Variants in FIP1L1 observed in about 807,000 individuals in gnomAD.
FIP1L1 encodes the protein pre-mRNA 3'-end-processing factor FIP1.
FIP1L1 carries 21 observed loss-of-function variants against 84.6 expected under a neutral mutation model. The observed-to-expected ratio is 0.25, with a 90% CI of 0.18 to 0.36. The LOEUF (loss-of-function observed/expected upper bound fraction) is 0.36. Ranked by LOEUF, FIP1L1 falls within the 10% of genes least tolerant of loss-of-function variation. The probability of loss-of-function intolerance (pLI) is 1.00; values close to 1 mark genes in which losing one functional copy is unlikely to be tolerated. For missense variants in FIP1L1, 526 were observed against 751.1 expected, an observed-to-expected ratio of 0.70 and a Z score of 3.50; for synonymous variants, 263 against 242.3, an observed-to-expected ratio of 1.09 and a Z score of -0.80.
Position 53,428,197 on chromosome 4 carries a change from A to G in FIP1L1, c.1174+14A>G. Reference sequence around the variant, plus strand: ...TTCCACCACCGGGTAAATAGTAAATAAGACATTTGACTTTGAAAGAAAAAT... The same window carrying G: ...TTCCACCACCGGGTAAATAGTAAATGAGACATTTGACTTTGAAAGAAAAAT... On this transcript the variant is annotated intron_variant, in intron 13 of 17. Transcript: ENST00000337488. The G allele has an allele frequency of 1.3e-6, 2 of 1,527,520 alleles. No homozygotes were observed. The highest frequency in any genetic ancestry group is 1.8e-6 in the Non-Finnish European group (2 of 1,132,002). 94.6% of individuals were successfully genotyped at this position (1,527,520 alleles called of 1,614,324 possible). A position where few individuals can be genotyped will look rare whatever the true frequency, so the allele number is the denominator to read the frequency against.
Position 53,389,849 on chromosome 4 carries a change from G to T in FIP1L1, c.373G>T (p.Gly125Trp). ...ACCTGTAAATCTTAACATCAAGACA[G>T]GGGGAAGAGTTTATGGAACTACAGG... ...TAPVNLNIKT[G>W]GRVYGTTGTK... is the part of the protein sequence containing the mutation. Residue 125 changes from glycine (G) to tryptophan (W), a missense_variant, in exon 6 of 18, where the codon GGG becomes TGG. Gly to Trp is a radical substitution (Grantham distance 184). This residue lies in a region of FIP1L1 where 169 missense variants were observed against 206.9 expected (regional missense o/e 0.82). Transcript: ENST00000337488. 1 of 1,601,434 alleles carries T rather than the reference G, an allele frequency of 6.2e-7. No homozygotes were observed. The highest frequency in any genetic ancestry group is 1.1e-5 in the South Asian group (1 of 87,746).
rs377694708 is a variant in FIP1L1 at position 53,444,032 on chromosome 4, T to C, written c.1230-16T>C. 8.8e-5 allele frequency: 139 copies of C among 1,586,920 alleles called. 2 individuals carry two copies. The South Asian group carries it at 1.5e-3, about 17-fold the overall frequency. On this transcript the variant is annotated splice_polypyrimidine_tract_variant and intron_variant, in intron 14 of 17. Coordinates refer to ENST00000337488, the MANE Select transcript of FIP1L1 (RefSeq NM_030917.4). ...TATTTGTACCAGACATAAAAATATA[T>C]CTTTTTCTTCAACAGTGGACATTCC...
intron 13 of FIP1L1, chr4:53,441,088 G>T (rs1771690939): frequency 6.5e-6 from 1 of 153,484 alleles, no homozygotes; most frequent in Non-Finnish European, 1.5e-5. Context: ...TGTTCTTAGA[G>T]TGGTGATTGT....
At chr4:53,392,395 A>G (rs1744712374) in intron 9 of FIP1L1, among the ~76,000 whole-genome samples, 1 of 152,188 alleles carries the variant, frequency 6.6e-6, no homozygotes, top group African/African-American at 2.4e-5. Context: ...AGATACAACC[A>G]CTCTACTGTA....
chr4:53,405,371 T>G, intron 10 of FIP1L1, among the ~76,000 whole-genome samples: 1 of 152,180 alleles, frequency 6.6e-6, no homozygotes, highest in Non-Finnish European at 1.5e-5. Flanking sequence ...GGTCTATATC[T>G]CTGTTTTGGT....
intron 11 of FIP1L1, among the ~76,000 whole-genome samples, chr4:53,424,178 A>G (rs1168740783): frequency 7.2e-5 from 11 of 152,272 alleles, no homozygotes; most frequent in Middle Eastern, 3.4e-3. Flanking sequence ...AATTTTGACA[A>G]TGGAGGGCAG....
chr4:53,425,836 A>G (rs781436765), intron 11 of FIP1L1, 36 bp from the exon 12 acceptor site: 1 of 1,412,342 alleles, frequency 7.1e-7, no homozygotes, highest in South Asian at 1.2e-5. Context: ...GCATCTAATT[A>G]GGTGAAACTG....
chr4:53,418,304 A>C (rs1226408539), intron 11 of FIP1L1, among the ~76,000 whole-genome samples: 1 of 147,730 alleles, frequency 6.8e-6, no homozygotes, highest in East Asian at 2.0e-4. Flanking sequence ...TAAATACATA[A>C]ATAACAGTTA....
intron 13 of FIP1L1, 133 bp downstream of exon 13, chr4:53,428,316 C>G: frequency 1.3e-6 from 1 of 760,094 alleles, no homozygotes. Flanking sequence ...TCAACAGATT[C>G]ACACTGAAAC....
chr4:53,456,061 CA>C (rs531659683), intron 16 of FIP1L1, among the ~76,000 whole-genome samples: 2 of 152,138 alleles, frequency 1.3e-5, no homozygotes, highest in South Asian at 4.2e-4. Flanking sequence ...CTTCTAAGTT[CA>C]AGGGCATTAC....
chr4:53,382,873 G>A (rs73250958), intron 4 of FIP1L1, among the ~76,000 whole-genome samples: 4,673 of 152,268 alleles, frequency 0.031, 88 homozygotes, highest in Middle Eastern at 0.054. Flanking sequence ...TTACTATGAT[G>A]TGATTAAGCA....
At chr4:53,426,109 T>TATTA (rs1460500949) in intron 12 of FIP1L1, 144 bp downstream of exon 12, 1 of 478,322 alleles carries the variant, frequency 2.1e-6, no homozygotes, top group Non-Finnish European at 3.7e-6. Flanking sequence ...AGTCATTTAT[T>TATTA]ATAAAGGCAT....
At chr4:53,414,389 T>C (rs777031925) in intron 10 of FIP1L1, among the ~76,000 whole-genome samples, 10 of 152,052 alleles carry the variant, frequency 6.6e-5, no homozygotes, top group Admixed American at 1.3e-4. Flanking sequence ...TCATACTATG[T>C]TGAAGAATAT....
chr4:53,437,837 A>G (rs891940768), intron 13 of FIP1L1, among the ~76,000 whole-genome samples: 1 of 151,824 alleles, frequency 6.6e-6, no homozygotes, highest in Non-Finnish European at 1.5e-5. Context: ...ACGATTCTCC[A>G]GCCTCAGCCT....
At chr4:53,407,942 T>A (rs1754650291) in intron 10 of FIP1L1, among the ~76,000 whole-genome samples, 1 of 152,202 alleles carries the variant, frequency 6.6e-6, no homozygotes, top group South Asian at 2.1e-4. Flanking sequence ...TCTTGACTCT[T>A]TATCCAATTT....
In FIP1L1 at chr4:53,459,464, T is replaced by C; in HGVS notation, c.*15T>C. 1 of 1,613,356 alleles carries C rather than the reference T, an allele frequency of 6.2e-7. No individual in the cohort carries two copies. The highest frequency in any genetic ancestry group is 1.1e-5 in the South Asian group (1 of 91,066). ...CTGCAGAATAGGCATGGTTTTGGCC[T>C]TTTGTGTATATTAGTACCAGAAGTA... On this transcript the variant is annotated 3_prime_UTR_variant, in exon 18 of 18. Transcript: ENST00000337488.
chr4:53,448,903 A>T (rs1050388263), intron 15 of FIP1L1, among the ~76,000 whole-genome samples: 9 of 152,120 alleles, frequency 5.9e-5, no homozygotes, highest in Non-Finnish European at 1.3e-4. Flanking sequence ...TGTTGCTGTT[A>T]TAAGTGTTAT....
chr4:53,444,938 T>C (rs1357315060), intron 15 of FIP1L1, among the ~76,000 whole-genome samples: 2 of 152,084 alleles, frequency 1.3e-5, no homozygotes, highest in Non-Finnish European at 2.9e-5. Flanking sequence ...TATAGGCTTA[T>C]GGGGAGATAG....
Position 53,377,830 on chromosome 4 carries a change from G to T in FIP1L1, c.-9G>T. The T allele has an allele frequency of 6.4e-7, 1 of 1,564,880 alleles. No homozygotes were observed. Among genetic ancestry groups the T allele is most frequent in the Non-Finnish European group, 8.7e-7 (1 of 1,154,614 alleles). On this transcript the variant is annotated 5_prime_UTR_variant, in exon 1 of 18. Coordinates refer to ENST00000337488, the MANE Select transcript of FIP1L1 (RefSeq NM_030917.4). ...TGATCGCCGCGTTTAAGTTGCGCTC[G>T]GGGCGGCCATGTCGGCCGGCGAGGT...
Sources: allele counts gnomAD v4.1 joint callset (sites outside exome capture counted in the v4.1 genomes callset), GRCh38; gene constraint gnomAD v4.1.1; regional missense constraint gnomAD v4.1.1; transcripts MANE v1.5; gene names NCBI Gene and HGNC (gene_info 2026-07-23, HGNC 2026-07-21).